Variants in LPAR1 observed in about 807,000 individuals in gnomAD.
LPAR1 encodes the protein lysophosphatidic acid receptor 1.
LPAR1 carries 5 observed loss-of-function variants against 23.8 expected under a neutral mutation model. The observed-to-expected ratio is 0.21, with a 90% CI of 0.11 to 0.44. The LOEUF is 0.44. LPAR1 is among the 20% of genes least tolerant of loss of function. The pLI is 0.99. For synonymous variants in LPAR1, 160 were observed against 164.7 expected (o/e 0.97, Z 0.22); for missense variants, 311 against 482.8 (o/e 0.64, Z 3.33).
intron 2 of LPAR1, among the ~76,000 whole-genome samples, chr9:110,996,538 C>G (rs1256943760): frequency 6.6e-6 from 1 of 152,102 alleles, no homozygotes; most frequent in Non-Finnish European, 1.5e-5. Context: ...GACTCAGTGG[C>G]TGTGGGTGCG....
At chr9:110,943,277 G>T (rs1207846983) in intron 4 of LPAR1, among the ~76,000 whole-genome samples, 1 of 151,356 alleles carries the variant, frequency 6.6e-6, no homozygotes, top group Non-Finnish European at 1.5e-5. Context: ...CTTGAAGACG[G>T]TTCACATTCT....
chr9:110,943,325 T>C (rs2095241796), intron 4 of LPAR1, among the ~76,000 whole-genome samples: 1 of 151,784 alleles, frequency 6.6e-6, no homozygotes, highest in African/African-American at 2.4e-5. Context: ...TCTAATAAAT[T>C]ACCCAAAACA....
At chr9:111,030,638 G>C (rs1330197182) in intron 2 of LPAR1, among the ~76,000 whole-genome samples, 1 of 152,190 alleles carries the variant, frequency 6.6e-6, no homozygotes, top group Non-Finnish European at 1.5e-5. Context: ...CCCAGATGAA[G>C]CAGGGTCCTT....
intron 5 of LPAR1, chr9:110,903,558 C>T (rs2090069118): frequency 6.6e-6 from 1 of 151,984 alleles, no homozygotes; most frequent in African/African-American, 2.4e-5. Context: ...AATCAGTGAA[C>T]CTGAGAACAG....
At chr9:110,917,481 T>C (rs1327991709) in intron 5 of LPAR1, among the ~76,000 whole-genome samples, 1 of 152,226 alleles carries the variant, frequency 6.6e-6, no homozygotes, top group East Asian at 1.9e-4. Context: ...GCCACATGAC[T>C]GGGCTATATC....
chr9:110,893,658 C>T (rs1178051488), intron 5 of LPAR1, among the ~76,000 whole-genome samples: 1 of 152,114 alleles, frequency 6.6e-6, no homozygotes, highest in African/African-American at 2.4e-5. Flanking sequence ...TGGTAAGAAA[C>T]ATGTTTTTCT....
At chr9:110,917,221 T>C (rs2093232126) in intron 5 of LPAR1, among the ~76,000 whole-genome samples, 1 of 149,926 alleles carries the variant, frequency 6.7e-6, no homozygotes. Flanking sequence ...TGGTGGTACA[T>C]GCCTGTAATC....
chr9:110,993,832 C>A (rs2096943598), intron 2 of LPAR1, among the ~76,000 whole-genome samples: 2 of 152,106 alleles, frequency 1.3e-5, no homozygotes, highest in African/African-American at 4.8e-5. Flanking sequence ...ACAGTTAAGA[C>A]AGCACTTAAA....
chr9:111,035,733 A>T (rs1005197304), intron 2 of LPAR1, among the ~76,000 whole-genome samples: 15 of 152,228 alleles, frequency 9.9e-5, no homozygotes, highest in African/African-American at 3.6e-4. Context: ...GAAAAGGAAG[A>T]CAGGCCACAC....
intron 5 of LPAR1, among the ~76,000 whole-genome samples, chr9:110,921,780 C>G (rs2093645237): frequency 6.6e-6 from 1 of 152,088 alleles, no homozygotes; most frequent in African/African-American, 2.4e-5. Flanking sequence ...ACAAGCCCAC[C>G]CACATTGCAG....
intron 4 of LPAR1, among the ~76,000 whole-genome samples, chr9:110,968,943 G>C (rs1043349033): frequency 6.6e-6 from 1 of 152,162 alleles, no homozygotes; most frequent in African/African-American, 2.4e-5. Context: ...GAGGCACTAA[G>C]AGGGTGGATA....
chr9:110,971,387 G>A (rs2096414535), intron 4 of LPAR1, among the ~76,000 whole-genome samples: 1 of 152,134 alleles, frequency 6.6e-6, no homozygotes, highest in South Asian at 2.1e-4. Context: ...AATCAGAGGA[G>A]CAGGGATGTG....
intron 4 of LPAR1, among the ~76,000 whole-genome samples, chr9:110,961,637 A>AAG (rs2095992622): frequency 6.9e-6 from 1 of 145,070 alleles, no homozygotes; most frequent in Non-Finnish European, 1.5e-5. Context: ...AAAAAAAAAA[A>AAG]AAAGAAAGAA....
intron 1 of LPAR1, among the ~76,000 whole-genome samples, chr9:111,036,601 C>T (rs536939427): frequency 3.0e-4 from 46 of 152,196 alleles, no homozygotes; most frequent in African/African-American, 1.1e-3. Context: ...TTCCATTTTC[C>T]GGATGGGGAG....
chr9:110,991,671 C>T (rs2096897963), intron 2 of LPAR1, among the ~76,000 whole-genome samples: 2 of 151,884 alleles, frequency 1.3e-5, no homozygotes, highest in Non-Finnish European at 2.9e-5. Flanking sequence ...TGCAATGGCA[C>T]GATCTTGGCT....
chr9:110,886,434 A>AC (rs1291321302), intron 5 of LPAR1, among the ~76,000 whole-genome samples: 136 of 151,728 alleles, frequency 9.0e-4, no homozygotes, highest in Non-Finnish European at 1.5e-3. Context: ...AAAAAAAAAA[A>AC]AACAATGCTA....
intron 2 of LPAR1, among the ~76,000 whole-genome samples, chr9:111,034,760 G>A (rs986782644): frequency 1.3e-5 from 2 of 152,030 alleles, no homozygotes; most frequent in South Asian, 4.1e-4. Flanking sequence ...CACATCTTGA[G>A]GTTATGTAAT....
intron 2 of LPAR1, among the ~76,000 whole-genome samples, chr9:110,991,317 A>G (rs190360015): frequency 2.0e-5 from 3 of 152,260 alleles, no homozygotes; most frequent in Admixed American, 2.0e-4. Flanking sequence ...TTGAAGACAA[A>G]ACAGAATAGA....
chr9:110,930,862 C>G (rs2094366810), intron 5 of LPAR1, among the ~76,000 whole-genome samples: 1 of 151,926 alleles, frequency 6.6e-6, no homozygotes, highest in African/African-American at 2.4e-5. Context: ...TTGCGGTGAA[C>G]CGAGATCACG....
Sources: allele counts gnomAD v4.1 joint callset (sites outside exome capture counted in the v4.1 genomes callset), GRCh38; gene constraint gnomAD v4.1.1; transcripts MANE v1.5; gene names NCBI Gene and HGNC (gene_info 2026-07-23, HGNC 2026-07-21).